TBC1D1: variants seen among roughly 807,000 people sequenced by gnomAD.
TBC1D1 encodes the protein TBC1 (tre-2/USP6, BUB2, cdc16) domain family, member 1.
A neutral mutation model predicts 125.6 loss-of-function variants in TBC1D1; 89 were observed. That is an observed-to-expected ratio of 0.71 (90% CI 0.60 to 0.85). TBC1D1 has a LOEUF of 0.85. Ranked by LOEUF, TBC1D1 falls within the 40% of genes least tolerant of loss-of-function variation. TBC1D1 has a pLI of 0.00. For missense variants in TBC1D1, 1,377 were observed against 1,469.2 expected (o/e 0.94, Z 1.03); for synonymous variants, 565 against 564.1 (o/e 1.00, Z -0.02).
At chr4:37,994,183 C>A (rs566952804) in intron 2 of TBC1D1, among the ~76,000 whole-genome samples, 29 of 152,312 alleles carry the variant, frequency 1.9e-4, no homozygotes, top group African/African-American at 7.0e-4. Flanking sequence ...GTGCTCGAAA[C>A]TTTTTAAGGG....
Position 37,921,691 on chromosome 4 carries a change from G to A in TBC1D1, c.417+19179G>A, listed in dbSNP as rs143672726. Reference sequence around the variant, plus strand: ...CTCCCAAAGTGCTGAGATTACAGGCGTGAGCCACTGCGTCCAGCCCATATA... The same window carrying A: ...CTCCCAAAGTGCTGAGATTACAGGCATGAGCCACTGCGTCCAGCCCATATA... On this transcript the variant is annotated intron_variant, in intron 2 of 19. Coordinates refer to ENST00000261439, the MANE Select transcript of TBC1D1 (RefSeq NM_015173.4). Among the ~76,000 whole-genome samples the A allele has an allele frequency of 2.9e-4, 44 of 151,978 alleles. No homozygotes were observed. In the East Asian group the frequency reaches 7.9e-3, roughly 27 times the overall value.
At chr4:37,970,627 T>A (rs1028691511) in intron 2 of TBC1D1, among the ~76,000 whole-genome samples, 1 of 152,246 alleles carries the variant, frequency 6.6e-6, no homozygotes, top group African/African-American at 2.4e-5. Context: ...AACTTCAGGC[T>A]TTTGTCACTC....
intron 2 of TBC1D1, chr4:37,951,942 A>G: frequency 1.4e-6 from 1 of 717,068 alleles, no homozygotes; most frequent in Non-Finnish European, 2.6e-6. Context: ...CTGTGACTGT[A>G]CAAACCTACA....
chr4:37,947,378 A>G (rs550979074), intron 2 of TBC1D1, among the ~76,000 whole-genome samples: 9 of 152,050 alleles, frequency 5.9e-5, no homozygotes, highest in Non-Finnish European at 1.0e-4. Context: ...GCTGATCTCA[A>G]ACTCCTGACC....
At chr4:38,052,720 GCGCGCGCGCACACA>G (rs953083321) in intron 11 of TBC1D1, among the ~76,000 whole-genome samples, 4 of 57,560 alleles carry the variant, frequency 6.9e-5, no homozygotes, top group Non-Finnish European at 9.8e-5. Context: ...ACACGCGCGC[GCGCGCGCGCACACA>G]CACACACACA....
At position 38,096,080 on chromosome 4, in the gene TBC1D1, T is replaced by C; in HGVS notation, c.2388T>C (p.Ala796=). 1 of 1,613,034 alleles carries C rather than the reference T, an allele frequency of 6.2e-7. No homozygotes were observed. The highest frequency in any genetic ancestry group is 1.1e-5 in the South Asian group (1 of 90,902). ...TTGACATGGAAAAAATGCACTCGGC[T>C]GTTGGGCAAGGTAAGCTTCATTGGG... is the stretch of plus-strand genomic sequence containing the variant. The change falls in exon 14 of 20, where the codon GCT becomes GCC. Residue 796 remains alanine, a synonymous_variant. Transcript: ENST00000261439.
At chr4:37,909,625 TA>T (rs1718117347) in intron 2 of TBC1D1, among the ~76,000 whole-genome samples, 1 of 152,220 alleles carries the variant, frequency 6.6e-6, no homozygotes, top group African/African-American at 2.4e-5. Flanking sequence ...AACATAGTAT[TA>T]TTTTTCAAAT....
Position 37,995,435 on chromosome 4 carries a change from G to T in TBC1D1, c.418-19074G>T. On this transcript the variant is annotated intron_variant, in intron 2 of 19. Coordinates refer to ENST00000261439, the MANE Select transcript of TBC1D1 (RefSeq NM_015173.4). The surrounding 1 kb of genome is among the most constrained non-coding windows in gnomAD (Gnocchi z 4.3). ...ATCAAATGCTAGGATACAACCTGAGGTTTCTTTCCCCGCCCCCTCACAAAG... is the reference window on the plus strand; with the variant it reads ...ATCAAATGCTAGGATACAACCTGAGTTTTCTTTCCCCGCCCCCTCACAAAG... 1.5e-5 allele frequency: 3 copies of T among 199,584 alleles called. No homozygotes were observed. The highest frequency in any genetic ancestry group is 1.4e-4 in the East Asian group (1 of 6,944). The allele number at this position is 199,584 out of a possible 1,614,324, so 12.4% of individuals were successfully genotyped here.
intron 1 of TBC1D1, among the ~76,000 whole-genome samples, chr4:37,895,129 A>C (rs1201083690): frequency 6.6e-6 from 1 of 152,210 alleles, no homozygotes; most frequent in African/African-American, 2.4e-5. Flanking sequence ...CACTTCTTAT[A>C]GTATGGCCTT....
At chr4:38,125,319 T>C (rs1764467840) in intron 18 of TBC1D1, among the ~76,000 whole-genome samples, 188 bp downstream of exon 20, 1 of 152,164 alleles carries the variant, frequency 6.6e-6, no homozygotes, top group Non-Finnish European at 1.5e-5. Context: ...GTGAGCGTCA[T>C]GGTGAAATGC....
At chr4:38,055,436 T>G (rs1578461976) in intron 12 of TBC1D1, among the ~76,000 whole-genome samples, 3 of 152,332 alleles carry the variant, frequency 2.0e-5, no homozygotes, top group Non-Finnish European at 1.5e-5. Context: ...ATGATATCAT[T>G]ACTGATACAT....
chr4:37,931,338 C>T lies in TBC1D1; in HGVS notation c.417+28826C>T, dbSNP rs1312187667. 2.0e-5 allele frequency among the ~76,000 whole-genome samples: 3 copies of T among 151,992 alleles called. No homozygotes were observed. In the East Asian group the frequency reaches 5.8e-4, roughly 29 times the overall value. On this transcript the variant is annotated intron_variant, in intron 2 of 19. Transcript: ENST00000261439. ...TCTTGAACTCCTGACCTCAAGCTAT[C>T]CACCTGCCTCGGCCTCCCAAAGTGC...
At chr4:38,119,538 A>G (rs1248224639) in intron 17 of TBC1D1, among the ~76,000 whole-genome samples, 1 of 152,164 alleles carries the variant, frequency 6.6e-6, no homozygotes, top group African/African-American at 2.4e-5. Context: ...AAGATTAACT[A>G]AAAGCCTCAA....
At chr4:38,005,450 A>G (rs1443028810) in intron 2 of TBC1D1, among the ~76,000 whole-genome samples, 1 of 152,178 alleles carries the variant, frequency 6.6e-6, no homozygotes, top group Non-Finnish European at 1.5e-5. Flanking sequence ...GGCTGTTTGC[A>G]GCTTCAGTAG....
chr4:38,031,623 A>T (rs886387645), intron 7 of TBC1D1, among the ~76,000 whole-genome samples: 5 of 152,194 alleles, frequency 3.3e-5, no homozygotes, highest in East Asian at 1.9e-4. Flanking sequence ...TTTATTTATT[A>T]ATTTTTTTTA....
At chr4:38,037,828 T>A (rs1226108795) in intron 8 of TBC1D1, among the ~76,000 whole-genome samples, 1 of 152,172 alleles carries the variant, frequency 6.6e-6, no homozygotes, top group South Asian at 2.1e-4. Context: ...TCAGAGGAGT[T>A]GTGAAATAGA....
chr4:37,970,158 G>A (rs1731762183), intron 2 of TBC1D1, among the ~76,000 whole-genome samples: 1 of 152,192 alleles, frequency 6.6e-6, no homozygotes, highest in South Asian at 2.1e-4. Context: ...CAGTTGAAGG[G>A]CAGCTGGGTT....
chr4:38,043,102 G>A (rs922163143), intron 8 of TBC1D1, among the ~76,000 whole-genome samples: 8 of 151,446 alleles, frequency 5.3e-5, no homozygotes, highest in Non-Finnish European at 1.2e-4. Context: ...GGGTTTCCCC[G>A]TGTTGGCCAG....
At chr4:37,976,350 T>C (rs1165561700) in intron 2 of TBC1D1, among the ~76,000 whole-genome samples, 1 of 152,258 alleles carries the variant, frequency 6.6e-6, no homozygotes, top group Non-Finnish European at 1.5e-5. Flanking sequence ...GCCAGAGCCA[T>C]CCAGCTAAGA....
Sources: gnomAD v4.1 joint callset for allele counts (sites outside exome capture counted in the v4.1 genomes callset) on GRCh38, gnomAD v4.1.1 for gene constraint, Gnocchi (gnomAD v3.1) non-coding constraint, MANE v1.5 for transcripts, NCBI Gene and HGNC (gene_info 2026-07-23, HGNC 2026-07-21) for gene names.